Variants in CSMD1 observed in about 807,000 individuals in gnomAD.
The protein encoded by CSMD1 is CUB and sushi domain-containing protein 1.
A neutral mutation model predicts 417.5 loss-of-function variants in CSMD1; 213 were observed. That is an observed-to-expected ratio of 0.51 (90% CI 0.46 to 0.57). The LOEUF is 0.57. CSMD1 is among the 20% of genes least tolerant of loss of function. The probability of loss-of-function intolerance (pLI) is 0.00; values close to 1 mark genes in which losing one functional copy is unlikely to be tolerated. For missense variants in CSMD1, 6,923 were observed against 4,529.7 expected, an observed-to-expected ratio of 1.53 and a Z score of -15.17; for synonymous variants, 2,862 against 1,736.8, an observed-to-expected ratio of 1.65 and a Z score of -16.11.
chr8:3,526,090 T>G (rs1379652271), intron 10 of CSMD1, among the ~76,000 whole-genome samples: 2 of 152,168 alleles, frequency 1.3e-5, no homozygotes, highest in Admixed American at 6.5e-5. Flanking sequence ...CATGCTGAAT[T>G]GTCAATTCAG....
At chr8:4,805,791 G>C (rs896716967) in intron 1 of CSMD1, among the ~76,000 whole-genome samples, 1 of 152,112 alleles carries the variant, frequency 6.6e-6, no homozygotes, top group African/African-American at 2.4e-5. Flanking sequence ...GGGTGAACAC[G>C]TTGAGATGAA....
chr8:4,123,658 A>T (rs1472665319), intron 3 of CSMD1, among the ~76,000 whole-genome samples: 1 of 152,190 alleles, frequency 6.6e-6, no homozygotes, highest in Non-Finnish European at 1.5e-5. Context: ...AACTGGTAAC[A>T]CTCTTAAAGT....
At chr8:4,063,854 C>A (rs1177507692) in intron 3 of CSMD1, among the ~76,000 whole-genome samples, 1 of 152,236 alleles carries the variant, frequency 6.6e-6, no homozygotes, top group Non-Finnish European at 1.5e-5. Context: ...TAGACTATGA[C>A]TTTGTCACAT....
chr8:3,794,826 G>C lies in CSMD1; in HGVS notation c.819-40784C>G, dbSNP rs73658270. On this transcript the variant is annotated intron_variant, in intron 5 of 69. Transcript: ENST00000635120. ...TTGTCAATAAACTTTAATTCTGAAG[G>C]TAAAATTATCAAGGAAGCCCATATC... Among the ~76,000 whole-genome samples the C allele has an allele frequency of 2.4e-3, 358 of 151,824 alleles. 1 individual carries two copies. Among genetic ancestry groups the C allele is most frequent in the African/African-American group, 7.4e-3 (306 of 41,446 alleles).
intron 5 of CSMD1, among the ~76,000 whole-genome samples, chr8:3,885,996 T>C (rs1260279795): frequency 6.6e-6 from 1 of 151,504 alleles, no homozygotes; most frequent in Non-Finnish European, 1.5e-5. Context: ...TATATATATA[T>C]GTGTACATAT....
intron 6 of CSMD1, among the ~76,000 whole-genome samples, chr8:3,753,302 TA>T (rs1411206387): frequency 1.3e-5 from 2 of 152,216 alleles, no homozygotes; most frequent in African/African-American, 2.4e-5. Flanking sequence ...TTTGCTGTGT[TA>T]ATAAGGATTA....
intron 65 of CSMD1, among the ~76,000 whole-genome samples, chr8:2,952,396 G>C (rs1163994435): frequency 6.6e-6 from 1 of 152,046 alleles, no homozygotes. Flanking sequence ...TTCCTAGGCA[G>C]GCTGAACCTA....
rs73659198 is a variant in CSMD1, at chr8:4,727,366, C to T, written c.86-89808G>A. On this transcript the variant is annotated intron_variant, in intron 1 of 69. Coordinates refer to ENST00000635120, the MANE Select transcript of CSMD1 (RefSeq NM_033225.6). ...ATGAAATAAAATGTTCACAAAAACA[C>T]TAATGCTCTCCATTGAAAGCTTTGG... Among the ~76,000 whole-genome samples, 1,189 of 152,266 alleles carry T rather than the reference C, an allele frequency of 7.8e-3. 21 individuals carry two copies. Among genetic ancestry groups the T allele is most frequent in the East Asian group, 0.055 (285 of 5,180 alleles).
chr8:3,640,707 C>A (rs1376805052), intron 7 of CSMD1, among the ~76,000 whole-genome samples: 1 of 152,134 alleles, frequency 6.6e-6, no homozygotes, highest in Admixed American at 6.5e-5. Context: ...GTCTATAAAC[C>A]AGTTGTGTAG....
intron 2 of CSMD1, among the ~76,000 whole-genome samples, chr8:4,562,114 A>C (rs188267667): frequency 1.3e-5 from 2 of 152,234 alleles, no homozygotes; most frequent in Non-Finnish European, 2.9e-5. Flanking sequence ...AGGAGGGAAG[A>C]GTGTAGGAAA....
At chr8:4,641,753 A>G (rs1051718440) in intron 1 of CSMD1, among the ~76,000 whole-genome samples, 2 of 152,222 alleles carry the variant, frequency 1.3e-5, no homozygotes, top group African/African-American at 2.4e-5. Context: ...CTTAGATCAC[A>G]AAATAAAATG....
intron 1 of CSMD1, among the ~76,000 whole-genome samples, chr8:4,773,686 G>T (rs1010171325): frequency 6.6e-6 from 1 of 152,062 alleles, no homozygotes; most frequent in Non-Finnish European, 1.5e-5. Context: ...GTCAGGCTTT[G>T]CACGCCACGC....
chr8:4,468,968 T>G (rs1317509454), intron 2 of CSMD1, among the ~76,000 whole-genome samples: 1 of 152,122 alleles, frequency 6.6e-6, no homozygotes. Context: ...AAGAGCATGA[T>G]GTGAGATGGG....
At chr8:4,444,757 C>A (rs765433822) in intron 2 of CSMD1, among the ~76,000 whole-genome samples, 1 of 152,102 alleles carries the variant, frequency 6.6e-6, no homozygotes, top group African/African-American at 2.4e-5. Flanking sequence ...AATATGTCTA[C>A]CTAATTTTCC....
intron 66 of CSMD1, 33 bp downstream of exon 66, chr8:2,951,081 C>A (rs1239259992): frequency 8.1e-6 from 13 of 1,598,388 alleles, no homozygotes; most frequent in Non-Finnish European, 1.1e-5. Context: ...TTTCTGCTCA[C>A]ACCATGCGTT....
At chr8:3,087,036 A>T in intron 49 of CSMD1, 61 bp downstream of exon 49, 1 of 1,374,178 alleles carries the variant, frequency 7.3e-7, no homozygotes, top group African/African-American at 1.4e-5. Context: ...ATTTTCAGAG[A>T]GTGATTAAAA....
chr8:3,138,436 C>T (rs1381071075), intron 41 of CSMD1, among the ~76,000 whole-genome samples: 1 of 152,128 alleles, frequency 6.6e-6, no homozygotes, highest in African/African-American at 2.4e-5. Flanking sequence ...CAAGTCACAC[C>T]ACCACACTTC....
chr8:4,394,452 T>A (rs148045465), intron 3 of CSMD1, among the ~76,000 whole-genome samples: 1 of 152,316 alleles, frequency 6.6e-6, no homozygotes, highest in East Asian at 1.9e-4. Flanking sequence ...GTACTGAGTC[T>A]TTGAAGAAAA....
chr8:4,859,187 T>C (rs1410288197), intron 1 of CSMD1, among the ~76,000 whole-genome samples: 8 of 152,046 alleles, frequency 5.3e-5, no homozygotes, highest in Admixed American at 2.0e-4. Flanking sequence ...ATTTAATAAA[T>C]GGTGCTGGGA....
Sources: gnomAD v4.1 joint callset for allele counts (sites outside exome capture counted in the v4.1 genomes callset) on GRCh38, gnomAD v4.1.1 for gene constraint, MANE v1.5 for transcripts, NCBI Gene and HGNC (gene_info 2026-07-23, HGNC 2026-07-21) for gene names.